Variants in FAM219A observed in about 807,000 individuals in gnomAD.
FAM219A encodes the protein protein FAM219A.
Under a neutral mutation model 23.4 loss-of-function variants are expected in FAM219A, and 7 were observed. The observed-to-expected ratio is 0.30, with a 90% CI of 0.17 to 0.56. The LOEUF is 0.56. FAM219A is among the 20% of genes least tolerant of loss of function. The probability of loss-of-function intolerance (pLI) is 0.92; values close to 1 mark genes in which losing one functional copy is unlikely to be tolerated. For missense variants in FAM219A, 166 were observed against 246.9 expected (o/e 0.67, Z 2.20); for synonymous variants, 93 against 99.0 (o/e 0.94, Z 0.36).
At chr9:34,418,386 T>C (rs181314403) in intron 1 of FAM219A, among the ~76,000 whole-genome samples, 25 of 152,262 alleles carry the variant, frequency 1.6e-4, no homozygotes, top group African/African-American at 5.8e-4. Flanking sequence ...AAATTCTTCA[T>C]TTGGGAGATA....
Position 34,458,479 on chromosome 9 carries a change from A to C in FAM219A, c.-216T>G. On this transcript the variant is annotated 5_prime_UTR_variant, in exon 1 of 6. Transcript: ENST00000651358. This position sits in a 1 kb window ranked among gnomAD's most constrained non-coding sequence, Gnocchi z 6.6. The stretch of plus-strand genomic sequence containing the variant: ...TGACTCCGTGGGCTTGCCTAGCACT[A>C]CCGCGGCTGTGGCCGGGCCGAGCCG... The C allele has an allele frequency of 2.6e-6, 1 of 382,690 alleles. No individual in the cohort carries two copies. Among genetic ancestry groups the C allele is most frequent in the Non-Finnish European group, 4.7e-6 (1 of 214,194 alleles). The allele number at this position is 382,690 out of a possible 1,614,324, so 23.7% of individuals were successfully genotyped here.
intron 1 of FAM219A, among the ~76,000 whole-genome samples, chr9:34,428,073 A>G (rs757349038): frequency 3.3e-5 from 5 of 152,214 alleles, no homozygotes; most frequent in Non-Finnish European, 7.3e-5. Flanking sequence ...AACTCTTGTT[A>G]CTGAGTTCGG....
Position 34,400,455 on chromosome 9 carries a change from AT to A in FAM219A, c.*508del. On this transcript the variant is annotated 3_prime_UTR_variant, in exon 6 of 6. Transcript: ENST00000651358. ...AGGAGGGGGAAATGCAAATAGAAAC[AT>A]GGGCCGGTAGGGGGCGTGTGAAGGG... 1 of 152,916 alleles carries A rather than the reference AT, an allele frequency of 6.5e-6. No individual in the cohort carries two copies. The highest frequency in any genetic ancestry group is 1.5e-5 in the Non-Finnish European group (1 of 68,544). The allele number at this position is 152,916 out of a possible 1,614,324, so 9.5% of individuals were successfully genotyped here. A position where few individuals can be genotyped will look rare whatever the true frequency, so the allele number is the denominator to read the frequency against.
chr9:34,413,034 G>A (rs1821879211), intron 1 of FAM219A, among the ~76,000 whole-genome samples: 2 of 152,184 alleles, frequency 1.3e-5, no homozygotes, highest in South Asian at 4.1e-4. Context: ...GTCCTAGACT[G>A]AGGGGAAGGA....
chr9:34,456,693 A>G (rs1823742141), intron 1 of FAM219A, among the ~76,000 whole-genome samples: 2 of 152,214 alleles, frequency 1.3e-5, no homozygotes, highest in South Asian at 4.1e-4. Flanking sequence ...ACTTCTCTCC[A>G]GGATTTTCTG....
intron 1 of FAM219A, among the ~76,000 whole-genome samples, chr9:34,426,365 A>G (rs1822471923): frequency 6.6e-6 from 1 of 152,124 alleles, no homozygotes; most frequent in African/African-American, 2.4e-5. Context: ...AGGAGAAATG[A>G]TGGTATATAG....
At chr9:34,403,375 A>G (rs76158087) in intron 2 of FAM219A, among the ~76,000 whole-genome samples, 2,146 of 152,344 alleles carry the variant, frequency 0.014, 52 homozygotes, top group African/African-American at 0.049. Context: ...CTCTGGTTAC[A>G]AACTCAGAAC....
chr9:34,442,121 G>T (rs1823198736), intron 1 of FAM219A, among the ~76,000 whole-genome samples: 1 of 152,108 alleles, frequency 6.6e-6, no homozygotes, highest in Admixed American at 6.5e-5. Context: ...ACCTCAAAAG[G>T]TAAACTGTGG....
At chr9:34,450,133 G>A (rs921803739) in intron 1 of FAM219A, among the ~76,000 whole-genome samples, 2 of 152,118 alleles carry the variant, frequency 1.3e-5, no homozygotes, top group African/African-American at 4.8e-5. Flanking sequence ...GCAACATGGC[G>A]AAACCCCTTC....
chr9:34,402,694 A>AG lies in FAM219A; in HGVS notation c.263+10dup, dbSNP rs2131924436. ...CTGGCAGGGTCCAGGTGGGGTAGGG[A>AG]GGGCCTCTACCTTGTTCGGGCCATG... On this transcript the variant is annotated intron_variant, in intron 3 of 5. Transcript: ENST00000651358. 4 of 1,613,292 alleles carry AG rather than the reference A, an allele frequency of 2.5e-6. No homozygotes were observed. The African/African-American group carries it at 5.3e-5, about 22-fold the overall frequency.
chr9:34,406,105 A>G, intron 1 of FAM219A, 141 bp from the exon 2 acceptor site: 3 of 945,056 alleles, frequency 3.2e-6, no homozygotes, highest in Non-Finnish European at 4.6e-6. Context: ...GCATTCAGGG[A>G]GAGAGGGGCA....
intron 1 of FAM219A, among the ~76,000 whole-genome samples, chr9:34,438,272 G>T (rs1255344252): frequency 6.6e-6 from 1 of 152,220 alleles, no homozygotes; most frequent in Non-Finnish European, 1.5e-5. Context: ...CCCAATGAGC[G>T]CCACCCCCTG....
chr9:34,439,629 A>C (rs982380746), intron 1 of FAM219A, among the ~76,000 whole-genome samples: 1 of 152,136 alleles, frequency 6.6e-6, no homozygotes, highest in Non-Finnish European at 1.5e-5. Context: ...TCAACAACAA[A>C]AAAAAGGTAG....
chr9:34,411,673 T>C (rs1242176290), intron 1 of FAM219A, among the ~76,000 whole-genome samples: 1 of 68,530 alleles, frequency 1.5e-5, no homozygotes, highest in Non-Finnish European at 3.1e-5. Flanking sequence ...CGAGACTCCG[T>C]CTCAAAAAAA....
chr9:34,399,737 G>A lies in FAM219A; in HGVS notation c.*1227C>T, dbSNP rs903921735. On this transcript the variant is annotated 3_prime_UTR_variant, in exon 6 of 6. Coordinates refer to ENST00000651358, the MANE Select transcript of FAM219A (RefSeq NM_001184940.2). ...TTTTCTAGTTGAGGAAACTGAAGAC[G>A]AGAGAAAGCAAGTGGCTTGTTGAAG... The A allele has an allele frequency of 1.3e-5, 2 of 152,206 alleles. No homozygotes were observed. Among genetic ancestry groups the A allele is most frequent in the African/African-American group, 2.4e-5 (1 of 41,440 alleles). The allele number at this position is 152,206 out of a possible 1,614,324, so 9.4% of individuals were successfully genotyped here.
intron 1 of FAM219A, among the ~76,000 whole-genome samples, chr9:34,446,754 A>T (rs941382831): frequency 6.6e-6 from 1 of 152,204 alleles, no homozygotes; most frequent in Non-Finnish European, 1.5e-5. Flanking sequence ...TAGGCCAAAC[A>T]GCTCAGTTCT....
rs770424148 is a variant in FAM219A, at chr9:34,405,875, T to C, written c.150A>G (p.Gln50=). The C allele has an allele frequency of 2.2e-5, 36 of 1,613,786 alleles. No homozygotes were observed. Among genetic ancestry groups the C allele is most frequent in the South Asian group, 1.9e-4 (17 of 91,078 alleles). ...VAMNYKPSPL[Q]VKLEKQRELA... is the part of the protein sequence containing the mutation. ...CCCAGACACACTCACCCAGCTTCAC[T>C]TGGAGCGGGGATGGTTTGTAATTCA... Residue 50 remains glutamine, a synonymous_variant, in exon 2 of 6, where the codon CAA becomes CAG. Coordinates refer to ENST00000651358, the MANE Select transcript of FAM219A (RefSeq NM_001184940.2).
At chr9:34,406,400 G>A in intron 1 of FAM219A, 4 of 985,360 alleles carry the variant, frequency 4.1e-6, no homozygotes, top group Non-Finnish European at 4.8e-6. Flanking sequence ...TCTGAGATGG[G>A]TCTTCTCCCT....
At chr9:34,409,431 GC>G (rs1302622154) in intron 1 of FAM219A, among the ~76,000 whole-genome samples, 1 of 152,142 alleles carries the variant, frequency 6.6e-6, no homozygotes, top group East Asian at 1.9e-4. Flanking sequence ...AATTTAAAGT[GC>G]CCCCCAAGGA....
Sources: allele counts gnomAD v4.1 joint callset (sites outside exome capture counted in the v4.1 genomes callset), GRCh38; gene constraint gnomAD v4.1.1; non-coding constraint Gnocchi (gnomAD v3.1); transcripts MANE v1.5; gene names NCBI Gene and HGNC (gene_info 2026-07-23, HGNC 2026-07-21).